The following NXPE2 variants were observed in gnomAD, a reference collection of about 807,000 sequenced individuals.
The protein encoded by NXPE2 is NXPE family member 2.
Under a neutral mutation model 34.4 loss-of-function variants are expected in NXPE2, and 34 were observed. The ratio of observed to expected loss-of-function variants is 0.99; its 90% CI spans 0.75 to 1.31. The LOEUF is 1.31. NXPE2 is among the 40% of genes most tolerant of loss of function. The pLI, the probability that NXPE2 is intolerant of heterozygous loss-of-function variation, is 0.00. For synonymous variants in NXPE2, 235 were observed against 231.3 expected, an observed-to-expected ratio of 1.02 and a Z score of -0.15; for missense variants, 649 against 672.5, an observed-to-expected ratio of 0.97 and a Z score of 0.39.
chr11:114,640,254 A>AAT, the NXPE2 span, among the ~76,000 whole-genome samples: 1 of 142,182 alleles, frequency 7.0e-6, no homozygotes, highest in South Asian at 2.1e-4. Flanking sequence ...TAAAATATAA[A>AAT]ATATATAGTA....
the NXPE2 span, among the ~76,000 whole-genome samples, chr11:114,501,204 G>T: frequency 6.6e-6 from 1 of 152,096 alleles, no homozygotes; most frequent in Non-Finnish European, 1.5e-5. Context: ...TGCAGATTTT[G>T]GAACGCCACC....
the NXPE2 span, chr11:114,551,414 A>G: frequency 3.0e-6 from 4 of 1,324,416 alleles, no homozygotes; most frequent in Admixed American, 1.1e-4. Flanking sequence ...GGTTTCACTC[A>G]GGATTGTTGC....
chr11:114,775,887 A>AAC, the NXPE2 span, among the ~76,000 whole-genome samples: 1 of 147,728 alleles, frequency 6.8e-6, no homozygotes, highest in Admixed American at 7.0e-5. Context: ...AACGAAAAAA[A>AAC]AAAACAAAAA....
the NXPE2 span, among the ~76,000 whole-genome samples, chr11:114,613,738 A>G: frequency 6.6e-6 from 1 of 151,962 alleles, no homozygotes; most frequent in Non-Finnish European, 1.5e-5. Context: ...TCTCATGGGG[A>G]ACCACTGTTA....
chr11:114,571,373 A>T, the NXPE2 span: 3 of 1,613,792 alleles, frequency 1.9e-6, no homozygotes, highest in Non-Finnish European at 2.5e-6. Flanking sequence ...CTATCAAGGG[A>T]TAACAATATT....
the NXPE2 span, among the ~76,000 whole-genome samples, chr11:114,808,914 C>T: frequency 6.6e-6 from 1 of 152,168 alleles, no homozygotes; most frequent in Non-Finnish European, 1.5e-5. Context: ...AGACCAATAT[C>T]CTTGATGAAC....
the NXPE2 span, among the ~76,000 whole-genome samples, chr11:114,747,902 A>G: frequency 6.6e-6 from 1 of 152,216 alleles, no homozygotes; most frequent in Non-Finnish European, 1.5e-5. Flanking sequence ...CAGGCTGTAC[A>G]ATGGATTGCT....
chr11:114,634,532 CT>C, the NXPE2 span, among the ~76,000 whole-genome samples: 1 of 151,938 alleles, frequency 6.6e-6, no homozygotes, highest in African/African-American at 2.4e-5. Flanking sequence ...ACATGAAGTC[CT>C]TGCCCATGCC....
chr11:114,538,597 A>G, the NXPE2 span, among the ~76,000 whole-genome samples: 20,299 of 152,114 alleles, frequency 0.13, 1,480 homozygotes, highest in South Asian at 0.23. Flanking sequence ...AAAACAAACA[A>G]CCCCATTAAA....
the NXPE2 span, among the ~76,000 whole-genome samples, chr11:114,579,962 A>T: frequency 3.9e-5 from 6 of 152,302 alleles, no homozygotes; most frequent in South Asian, 6.2e-4. Context: ...CCAGTTAGAT[A>T]GCTGTATTGT....
chr11:114,711,289 A>C (rs1859607900), downstream of NXPE2, among the ~76,000 whole-genome samples: 1 of 152,102 alleles, frequency 6.6e-6, no homozygotes, highest in Non-Finnish European at 1.5e-5. Flanking sequence ...ATAGCATATG[A>C]CAAAAAAAAG....
the NXPE2 span, among the ~76,000 whole-genome samples, chr11:114,627,668 A>ACAC: frequency 6.6e-6 from 1 of 151,900 alleles, no homozygotes; most frequent in Non-Finnish European, 1.5e-5. Context: ...CACACATAAC[A>ACAC]ATATTAACTT....
chr11:114,531,764 A>G, the NXPE2 span, among the ~76,000 whole-genome samples: 1 of 152,026 alleles, frequency 6.6e-6, no homozygotes, highest in East Asian at 1.9e-4. Flanking sequence ...TATCCCCTGA[A>G]TTCCCCCAAA....
chr11:114,718,039 T>G, the NXPE2 span, among the ~76,000 whole-genome samples: 1 of 152,240 alleles, frequency 6.6e-6, no homozygotes, highest in African/African-American at 2.4e-5. Context: ...TCTACAATGC[T>G]GGGCTCAATT....
At chr11:114,499,168 T>C in the NXPE2 span, among the ~76,000 whole-genome samples, 1 of 152,162 alleles carries the variant, frequency 6.6e-6, no homozygotes, top group Non-Finnish European at 1.5e-5. Context: ...TAGCTTAGAT[T>C]ACTGTGTTTA....
At chr11:114,640,093 A>ATGATT in the NXPE2 span, among the ~76,000 whole-genome samples, 1 of 124,010 alleles carries the variant, frequency 8.1e-6, no homozygotes, top group Non-Finnish European at 1.6e-5. Context: ...AATGTAATAT[A>ATGATT]ATATATGATT....
the NXPE2 span, among the ~76,000 whole-genome samples, chr11:114,626,288 T>C: frequency 6.6e-6 from 1 of 152,192 alleles, no homozygotes; most frequent in Admixed American, 6.5e-5. Flanking sequence ...CTGACAGCTT[T>C]GAAGAGAGCA....
chr11:114,557,058 A>G, the NXPE2 span, among the ~76,000 whole-genome samples: 1 of 151,670 alleles, frequency 6.6e-6, no homozygotes, highest in Non-Finnish European at 1.5e-5. Context: ...ACACCTGGCC[A>G]ATTTTTTGTA....
the NXPE2 span, among the ~76,000 whole-genome samples, chr11:114,500,045 C>G: frequency 6.6e-6 from 1 of 151,440 alleles, no homozygotes; most frequent in Non-Finnish European, 1.5e-5. Context: ...GGGTTGTTTC[C>G]AGTTTTTTGG....
Sources: gnomAD v4.1 joint callset for allele counts (sites outside exome capture counted in the v4.1 genomes callset) on GRCh38, gnomAD v4.1.1 for gene constraint, MANE v1.5 for transcripts, NCBI Gene and HGNC (gene_info 2026-07-23, HGNC 2026-07-21) for gene names.